SNTG2: variants seen among roughly 807,000 people sequenced by gnomAD.
The protein encoded by SNTG2 is syntrophin gamma 2, also known as gamma-2-syntrophin.
A neutral mutation model predicts 70.9 loss-of-function variants in SNTG2; 74 were observed. That is an observed-to-expected ratio of 1.04 (90% CI 0.86 to 1.27). The LOEUF (loss-of-function observed/expected upper bound fraction) is 1.27. SNTG2 is among the 50% of genes most tolerant of loss of function. The pLI is 0.00. For synonymous variants in SNTG2, 278 were observed against 273.8 expected, an observed-to-expected ratio of 1.02 and a Z score of -0.15; for missense variants, 717 against 690.7, an observed-to-expected ratio of 1.04 and a Z score of -0.43.
intron 6 of SNTG2, among the ~76,000 whole-genome samples, chr2:1,156,649 C>G (rs532600448): frequency 6.6e-6 from 1 of 152,240 alleles, no homozygotes; most frequent in East Asian, 1.9e-4. Flanking sequence ...TGTTTCTGAA[C>G]CAGTGACCAT....
chr2:1,280,660 T>C (rs1679472651), intron 14 of SNTG2, among the ~76,000 whole-genome samples: 1 of 152,232 alleles, frequency 6.6e-6, no homozygotes. Context: ...TGTTATTCAT[T>C]CGCTTAAATC....
intron 14 of SNTG2, among the ~76,000 whole-genome samples, chr2:1,281,421 G>T (rs62108102): frequency 1.8e-5 from 1 of 56,076 alleles, no homozygotes; most frequent in Non-Finnish European, 3.5e-5. Context: ...GTGTGTGTGT[G>T]TGTGGTGTGG....
chr2:1,348,473 A>G (rs1660412716), intron 16 of SNTG2, among the ~76,000 whole-genome samples: 1 of 152,258 alleles, frequency 6.6e-6, no homozygotes, highest in Non-Finnish European at 1.5e-5. Flanking sequence ...GGTCTCCACA[A>G]TCCTTTATCT....
chr2:1,195,705 G>A (rs1250627973), intron 8 of SNTG2, among the ~76,000 whole-genome samples: 2 of 152,186 alleles, frequency 1.3e-5, no homozygotes, highest in Non-Finnish European at 2.9e-5. Flanking sequence ...TTCTTTTGCT[G>A]TGCAGAAGCT....
chr2:991,968 A>C (rs1661510324), intron 1 of SNTG2, among the ~76,000 whole-genome samples: 1 of 152,186 alleles, frequency 6.6e-6, no homozygotes, highest in South Asian at 2.1e-4. Context: ...AGCAAAAGTG[A>C]CAGAAACATT....
At chr2:1,005,620 A>G (rs1659538852) in intron 1 of SNTG2, among the ~76,000 whole-genome samples, 1 of 151,406 alleles carries the variant, frequency 6.6e-6, no homozygotes, top group African/African-American at 2.4e-5. Flanking sequence ...TCTGACCAAC[A>G]TGGAGAAACC....
At chr2:1,127,183 T>C (rs1281731172) in intron 4 of SNTG2, among the ~76,000 whole-genome samples, 1 of 152,058 alleles carries the variant, frequency 6.6e-6, no homozygotes, top group African/African-American at 2.4e-5. Context: ...TGCAAGTGAA[T>C]AGCCAGTTCT....
chr2:1,149,658 T>C (rs1053274456), intron 6 of SNTG2, among the ~76,000 whole-genome samples: 3 of 149,456 alleles, frequency 2.0e-5, no homozygotes, highest in Non-Finnish European at 3.0e-5. Context: ...AACAGATTGA[T>C]GAAGTTGATT....
intron 12 of SNTG2, among the ~76,000 whole-genome samples, chr2:1,253,293 C>A (rs1213497444): frequency 6.6e-6 from 1 of 152,042 alleles, no homozygotes; most frequent in Admixed American, 6.6e-5. Context: ...GGAGAGAAAG[C>A]CGAGGTCTCT....
At position 1,244,754 on chromosome 2, in the gene SNTG2, A is replaced by T. The variant is rs183288957; in HGVS notation, c.889-2573A>T. Among the ~76,000 whole-genome samples, 26 of 151,096 alleles carry T rather than the reference A, an allele frequency of 1.7e-4. No homozygotes were observed. In the East Asian group the frequency reaches 4.7e-3, roughly 27 times the overall value. On this transcript the variant is annotated intron_variant, in intron 11 of 16. Coordinates refer to ENST00000308624, the MANE Select transcript of SNTG2 (RefSeq NM_018968.4). The stretch of plus-strand genomic sequence containing the variant: ...ATTTAGAACTCAGGCAATTTCCTAC[A>T]TTTTCTAGAAATTCTGGTTCCACAC...
At chr2:1,068,472 C>T (rs1381309490) in intron 1 of SNTG2, 2 of 152,126 alleles carry the variant, frequency 1.3e-5, no homozygotes, top group African/African-American at 4.8e-5. Flanking sequence ...CAGCTGCTGG[C>T]CCTGCATCCT....
chr2:1,036,684 G>T (rs368595089), intron 1 of SNTG2, among the ~76,000 whole-genome samples: 1 of 151,762 alleles, frequency 6.6e-6, no homozygotes, highest in African/African-American at 2.4e-5. Context: ...TTTAATAATG[G>T]TTTTGTTTGT....
chr2:1,060,054 T>C (rs1293638807), intron 1 of SNTG2, among the ~76,000 whole-genome samples: 2 of 152,182 alleles, frequency 1.3e-5, no homozygotes, highest in African/African-American at 4.8e-5. Flanking sequence ...ATTTTATCCC[T>C]ACCTTACATC....
At chr2:1,318,914 C>A (rs1468449770) in intron 16 of SNTG2, among the ~76,000 whole-genome samples, 1 of 152,320 alleles carries the variant, frequency 6.6e-6, no homozygotes, top group Non-Finnish European at 1.5e-5. Context: ...GAGCCTCTGT[C>A]ATCCCCGGGG....
At chr2:1,243,299 G>T (rs558910841) in intron 11 of SNTG2, among the ~76,000 whole-genome samples, 2 of 152,304 alleles carry the variant, frequency 1.3e-5, no homozygotes, top group East Asian at 1.9e-4. Flanking sequence ...AGCCCAGGGG[G>T]AAGAAAGAGC....
intron 10 of SNTG2, among the ~76,000 whole-genome samples, chr2:1,238,765 C>T (rs906040489): frequency 5.3e-5 from 8 of 152,210 alleles, no homozygotes; most frequent in Non-Finnish European, 7.3e-5. Flanking sequence ...AATTGCACTT[C>T]GATCCCTGCT....
At chr2:1,204,003 A>G (rs1438591284) in intron 8 of SNTG2, among the ~76,000 whole-genome samples, 1 of 152,206 alleles carries the variant, frequency 6.6e-6, no homozygotes, top group Non-Finnish European at 1.5e-5. Flanking sequence ...TGCATCTTCC[A>G]GGCTTTATGC....
intron 8 of SNTG2, among the ~76,000 whole-genome samples, chr2:1,179,140 G>T (rs868763339): frequency 5.9e-5 from 9 of 152,090 alleles, no homozygotes; most frequent in African/African-American, 2.2e-4. Context: ...CTGTGGGATC[G>T]GTGGTGATAT....
intron 1 of SNTG2, among the ~76,000 whole-genome samples, chr2:1,024,744 C>G (rs1260451006): frequency 1.3e-5 from 2 of 152,140 alleles, no homozygotes; most frequent in African/African-American, 4.8e-5. Context: ...AATTAATACC[C>G]AAGGCTCTTT....
Sources: gnomAD v4.1 joint callset for allele counts (sites outside exome capture counted in the v4.1 genomes callset) on GRCh38, gnomAD v4.1.1 for gene constraint, MANE v1.5 for transcripts, NCBI Gene and HGNC (gene_info 2026-07-23, HGNC 2026-07-21) for gene names.